Variants in UNC79 observed in about 807,000 individuals in gnomAD.
UNC79 encodes the protein protein unc-79 homolog.
A neutral mutation model predicts 283.1 loss-of-function variants in UNC79; 37 were observed. The ratio of observed to expected loss-of-function variants is 0.13; its 90% CI spans 0.10 to 0.17. The LOEUF (loss-of-function observed/expected upper bound fraction) is 0.17, where lower values mean the gene tolerates loss of function less well. UNC79 is among the 10% of genes least tolerant of loss of function. The pLI is 1.00. For missense variants in UNC79, 2,272 were observed against 3,211.1 expected (o/e 0.71, Z 7.07); for synonymous variants, 1,107 against 1,200.2 (o/e 0.92, Z 1.61).
rs553675723 is a variant in UNC79, at chr14:93,702,134, G to A, written c.7549-2491G>A. Among the ~76,000 whole-genome samples, 50 of 152,310 alleles carry A rather than the reference G, an allele frequency of 3.3e-4. No homozygotes were observed. In the South Asian group the frequency reaches 1.0e-2, roughly 30 times the overall value. Reference sequence around the variant, plus strand: ...TGCTTTTTGCTGTGCAGAAATTATAGGGGGAGACAGTTAGACTAGATAAAT... The same window carrying A: ...TGCTTTTTGCTGTGCAGAAATTATAAGGGGAGACAGTTAGACTAGATAAAT... On this transcript the variant is annotated intron_variant, in intron 47 of 48. Transcript: ENST00000555664.
intron 24 of UNC79, among the ~76,000 whole-genome samples, chr14:93,599,085 A>G (rs2065300486): frequency 6.6e-6 from 1 of 152,190 alleles, no homozygotes; most frequent in Admixed American, 6.5e-5. Flanking sequence ...TCCATGTTGC[A>G]TCTGATTTAT....
chr14:93,410,759 T>C (rs1413644229), intron 1 of UNC79, among the ~76,000 whole-genome samples: 1 of 152,062 alleles, frequency 6.6e-6, no homozygotes, highest in African/African-American at 2.4e-5. Flanking sequence ...GCAGTACCCA[T>C]TGTCTGCTAA....
chr14:93,672,559 A>G (rs1301673200), intron 40 of UNC79, among the ~76,000 whole-genome samples: 2 of 152,188 alleles, frequency 1.3e-5, no homozygotes, highest in East Asian at 3.9e-4. Context: ...GGGTACAAGC[A>G]TACAGTTAGA....
At chr14:93,613,123 CT>C in intron 27 of UNC79, 40 bp downstream of exon 28, 1 of 1,606,868 alleles carries the variant, frequency 6.2e-7, no homozygotes, top group Non-Finnish European at 8.5e-7. Flanking sequence ...CACCTTTATA[CT>C]TTTAGTAGAA....
At chr14:93,343,885 C>T (rs11160117) in intron 1 of UNC79, among the ~76,000 whole-genome samples, 11,186 of 152,114 alleles carry the variant, frequency 0.074, 870 homozygotes, top group African/African-American at 0.19. Flanking sequence ...GAGAATACAT[C>T]GAATCCCAGC....
chr14:93,664,164 C>T (rs1246935036), intron 40 of UNC79, among the ~76,000 whole-genome samples: 4 of 152,014 alleles, frequency 2.6e-5, no homozygotes, highest in Admixed American at 6.6e-5. Context: ...TATAAGAAAT[C>T]GTTTAAAAAT....
chr14:93,433,899 G>A (rs999168329), intron 1 of UNC79, among the ~76,000 whole-genome samples: 1 of 152,134 alleles, frequency 6.6e-6, no homozygotes, highest in Non-Finnish European at 1.5e-5. Flanking sequence ...TTTCTTTTGT[G>A]AGATAAGTAA....
At chr14:93,667,688 G>T (rs879893607) in intron 40 of UNC79, among the ~76,000 whole-genome samples, 1 of 152,118 alleles carries the variant, frequency 6.6e-6, no homozygotes, top group Non-Finnish European at 1.5e-5. Context: ...CATTTCATGA[G>T]GCCAGTAGAA....
At chr14:93,590,811 G>A (rs1004351089) in intron 22 of UNC79, among the ~76,000 whole-genome samples, 2 of 152,220 alleles carry the variant, frequency 1.3e-5, no homozygotes, top group Non-Finnish European at 2.9e-5. Context: ...TGGTTTTCTA[G>A]CTGGGCTGCC....
intron 14 of UNC79, among the ~76,000 whole-genome samples, chr14:93,556,517 T>A (rs1197702009): frequency 1.3e-5 from 2 of 152,166 alleles, no homozygotes; most frequent in Non-Finnish European, 2.9e-5. Flanking sequence ...CTTTGGGTTC[T>A]ACTTGGAAAA....
chr14:93,688,542 A>G lies in UNC79; in HGVS notation c.6910-123A>G. The G allele has an allele frequency of 9.3e-7, 1 of 1,079,542 alleles. No individual in the cohort carries two copies. Among genetic ancestry groups the G allele is most frequent in the Non-Finnish European group, 1.3e-6 (1 of 757,046 alleles). 66.9% of individuals were successfully genotyped at this position (1,079,542 alleles called of 1,614,324 possible). On this transcript the variant is annotated intron_variant, in intron 43 of 48. Coordinates refer to ENST00000555664, the Ensembl canonical transcript of UNC79. This position sits in a 1 kb window ranked among gnomAD's most constrained non-coding sequence, Gnocchi z 4.0. Reference sequence around the variant, plus strand: ...AATGGGAAGGCTCTGAAGAAGTTTAAGCAGGTTGTTTGCTCAGAGTGGCGA... The same window carrying G: ...AATGGGAAGGCTCTGAAGAAGTTTAGGCAGGTTGTTTGCTCAGAGTGGCGA...
At chr14:93,561,940 T>C (rs1013998791) in intron 14 of UNC79, among the ~76,000 whole-genome samples, 4 of 152,142 alleles carry the variant, frequency 2.6e-5, no homozygotes, top group Admixed American at 6.5e-5. Context: ...GTCCAAGTAG[T>C]GGGGGTGACT....
intron 1 of UNC79, among the ~76,000 whole-genome samples, chr14:93,463,968 T>A (rs1381867977): frequency 6.6e-6 from 1 of 151,960 alleles, no homozygotes; most frequent in Non-Finnish European, 1.5e-5. Context: ...GCTAACACGG[T>A]GAAACCCCAT....
At chr14:93,649,406 AT>A (rs748104346) in intron 35 of UNC79, among the ~76,000 whole-genome samples, 24 of 152,122 alleles carry the variant, frequency 1.6e-4, no homozygotes, top group Non-Finnish European at 2.9e-4. Flanking sequence ...TAAAACAAAT[AT>A]TTTATTTTCT....
chr14:93,643,629 C>T (rs749256452), exon 34 of UNC79: 2 of 1,613,594 alleles, frequency 1.2e-6, no homozygotes, highest in Admixed American at 1.7e-5. Flanking sequence ...TGGTCCTCTC[C>T]ACATTCATTC....
intron 41 of UNC79, among the ~76,000 whole-genome samples, chr14:93,679,351 C>A (rs905776104): frequency 6.6e-6 from 1 of 151,950 alleles, no homozygotes; most frequent in African/African-American, 2.4e-5. Flanking sequence ...TCCAGCTACT[C>A]GGGAGGCTGA....
At chr14:93,452,804 G>A (rs561424274) in intron 1 of UNC79, among the ~76,000 whole-genome samples, 2 of 152,254 alleles carry the variant, frequency 1.3e-5, no homozygotes, top group South Asian at 4.1e-4. Flanking sequence ...GAGTTGAAAG[G>A]ATAAAGTGCT....
intron 1 of UNC79, among the ~76,000 whole-genome samples, chr14:93,445,206 A>G (rs770963986): frequency 6.6e-6 from 1 of 152,222 alleles, no homozygotes; most frequent in Non-Finnish European, 1.5e-5. Context: ...AAAAAAATAT[A>G]TGTATAATTG....
At chr14:93,452,153 C>G (rs2140174422) in intron 1 of UNC79, among the ~76,000 whole-genome samples, 1 of 152,216 alleles carries the variant, frequency 6.6e-6, no homozygotes, top group African/African-American at 2.4e-5. Flanking sequence ...CGTTGCCCAA[C>G]CTCTTCTTTA....
Sources: gnomAD v4.1 joint callset for allele counts (sites outside exome capture counted in the v4.1 genomes callset) on GRCh38, gnomAD v4.1.1 for gene constraint, Gnocchi (gnomAD v3.1) non-coding constraint, MANE v1.5 for transcripts, NCBI Gene and HGNC (gene_info 2026-07-23, HGNC 2026-07-21) for gene names.